Variants in ERC1 observed in about 807,000 individuals in gnomAD.
ERC1 encodes the protein ELKS/RAB6-interacting/CAST family member 1, also known as RAB6 interacting protein 2.
ERC1 carries 56 observed loss-of-function variants against 132.0 expected under a neutral mutation model. The observed-to-expected ratio is 0.42, with a 90% CI of 0.34 to 0.53. The LOEUF (loss-of-function observed/expected upper bound fraction) is 0.53, where lower values mean the gene tolerates loss of function less well. ERC1 is among the 20% of genes least tolerant of loss of function. The pLI, the probability that ERC1 is intolerant of heterozygous loss-of-function variation, is 0.03. For missense variants in ERC1, 1,202 were observed against 1,349.9 expected, an observed-to-expected ratio of 0.89 and a Z score of 1.72; for synonymous variants, 478 against 476.1, an observed-to-expected ratio of 1.00 and a Z score of -0.05.
chr12:1,490,143 G>T lies in ERC1; in HGVS notation c.3264G>T (p.Glu1088Asp). 6.2e-7 allele frequency: 1 copy of T among 1,614,226 alleles called. No individual in the cohort carries two copies. The highest frequency in any genetic ancestry group is 8.5e-7 in the Non-Finnish European group (1 of 1,180,044). Residue 1088 changes from glutamate (E) to aspartate (D), a missense_variant, in exon 19 of 19, where the codon GAG (glutamate) becomes GAT (aspartate). Transcript: ENST00000360905. Reference sequence around the variant, plus strand: ...AACGGGACAATGCAGAACTGCAGGAGTTTGCCAACGCCATTCTTCAGCAGA... The same window carrying T: ...AACGGGACAATGCAGAACTGCAGGATTTTGCCAACGCCATTCTTCAGCAGA... ...KGERDNAELQ[E>D]FANAILQQIA...
intron 18 of ERC1, among the ~76,000 whole-genome samples, chr12:1,456,930 G>A (rs978190403): frequency 2.6e-5 from 4 of 152,146 alleles, no homozygotes; most frequent in African/African-American, 4.8e-5. Flanking sequence ...GAGTGAGCTC[G>A]CAGGCATTGT....
chr12:1,129,617 C>G (rs972706043), intron 7 of ERC1, among the ~76,000 whole-genome samples: 1 of 152,174 alleles, frequency 6.6e-6, no homozygotes, highest in Non-Finnish European at 1.5e-5. Flanking sequence ...GTTGCCACAA[C>G]AGTAGTGAGA....
At chr12:1,384,572 A>G (rs559458184) in intron 16 of ERC1, among the ~76,000 whole-genome samples, 4 of 152,184 alleles carry the variant, frequency 2.6e-5, no homozygotes, top group Non-Finnish European at 5.9e-5. Flanking sequence ...TAATTTGCAT[A>G]CTTAACAGCT....
chr12:1,434,677 C>G (rs73028373), intron 17 of ERC1, among the ~76,000 whole-genome samples: 9,063 of 152,230 alleles, frequency 0.06, 393 homozygotes, highest in African/African-American at 0.11. Context: ...AAACAGAGCA[C>G]GTGGGTCCTT....
chr12:1,131,632 T>C (rs1948772225), intron 7 of ERC1, among the ~76,000 whole-genome samples: 3 of 17,416 alleles, frequency 1.7e-4, no homozygotes, highest in Non-Finnish European at 0.01. Context: ...CAGCTAATTT[T>C]TTTGTATTTT....
At chr12:1,297,712 C>CAA (rs535814870) in intron 15 of ERC1, among the ~76,000 whole-genome samples, 79 of 65,914 alleles carry the variant, frequency 1.2e-3, no homozygotes, top group South Asian at 1.9e-3. Flanking sequence ...GTCCCCCTGC[C>CAA]AAAAAAAAAA....
chr12:1,299,277 T>G (rs937340864), intron 15 of ERC1, among the ~76,000 whole-genome samples: 1 of 152,200 alleles, frequency 6.6e-6, no homozygotes, highest in Non-Finnish European at 1.5e-5. Context: ...TGCTGGGCCT[T>G]AAAAGTAAGT....
intron 3 of ERC1, among the ~76,000 whole-genome samples, chr12:1,083,995 C>T (rs1942605399): frequency 6.6e-6 from 1 of 152,128 alleles, no homozygotes; most frequent in Non-Finnish European, 1.5e-5. Context: ...CTTATGTGTG[C>T]TTATAAAAGT....
At chr12:1,033,592 T>C (rs761499920) in intron 2 of ERC1, among the ~76,000 whole-genome samples, 1 of 151,854 alleles carries the variant, frequency 6.6e-6, no homozygotes, top group Non-Finnish European at 1.5e-5. Flanking sequence ...CCCTCCCGAG[T>C]GGCCAGGATT....
intron 12 of ERC1, among the ~76,000 whole-genome samples, chr12:1,231,867 G>A (rs2075067296): frequency 6.6e-6 from 1 of 152,116 alleles, no homozygotes; most frequent in South Asian, 2.1e-4. Flanking sequence ...CGCCTCCCAA[G>A]TAGCTGGGAC....
chr12:1,251,267 G>A (rs150453059), intron 13 of ERC1, among the ~76,000 whole-genome samples: 1,526 of 152,138 alleles, frequency 0.01, 18 homozygotes, highest in Non-Finnish European at 0.017. Flanking sequence ...TTTGTCACAT[G>A]CTGGATACAT....
intron 15 of ERC1, among the ~76,000 whole-genome samples, chr12:1,319,926 C>A (rs1214040307): frequency 6.6e-6 from 1 of 151,958 alleles, no homozygotes; most frequent in East Asian, 1.9e-4. Flanking sequence ...GGGGCGGCTT[C>A]TTATTTTTAC....
intron 16 of ERC1, among the ~76,000 whole-genome samples, chr12:1,373,613 C>T (rs1469051771): frequency 1.3e-5 from 2 of 152,164 alleles, no homozygotes; most frequent in African/African-American, 4.8e-5. Context: ...AACCCCGTCT[C>T]CACTAAAAAT....
intron 1 of ERC1, among the ~76,000 whole-genome samples, chr12:1,014,378 G>T (rs1473048509): frequency 6.6e-6 from 1 of 152,014 alleles, no homozygotes; most frequent in Non-Finnish European, 1.5e-5. Flanking sequence ...GTTTCACCAT[G>T]TTGCCCAGGC....
chr12:1,382,002 A>G (rs1046308622), intron 16 of ERC1, among the ~76,000 whole-genome samples: 3 of 152,188 alleles, frequency 2.0e-5, no homozygotes, highest in Admixed American at 2.0e-4. Context: ...AAGCCAGGTT[A>G]TTCTTGTTGG....
intron 3 of ERC1, among the ~76,000 whole-genome samples, chr12:1,095,978 T>G (rs1327412465): frequency 1.3e-5 from 2 of 150,284 alleles, no homozygotes; most frequent in Non-Finnish European, 3.0e-5. Flanking sequence ...TCACCTAGAG[T>G]GCAGTGGCGT....
At chr12:1,295,838 C>G (rs906604494) in intron 15 of ERC1, among the ~76,000 whole-genome samples, 1 of 151,934 alleles carries the variant, frequency 6.6e-6, no homozygotes, top group Non-Finnish European at 1.5e-5. Flanking sequence ...CTTATATGTA[C>G]TAGAATAAAA....
At chr12:1,394,418 G>A (rs1292099940) in intron 16 of ERC1, among the ~76,000 whole-genome samples, 1 of 152,082 alleles carries the variant, frequency 6.6e-6, no homozygotes, top group Non-Finnish European at 1.5e-5. Flanking sequence ...AAAGAAAAAA[G>A]AAATTTAGTA....
intron 7 of ERC1, among the ~76,000 whole-genome samples, chr12:1,139,782 C>A (rs1593633559): frequency 2.0e-5 from 3 of 146,936 alleles, no homozygotes; most frequent in Admixed American, 6.8e-5. Context: ...AAAACAAAAA[C>A]CAGAATAGAG....
Sources: allele counts gnomAD v4.1 joint callset (sites outside exome capture counted in the v4.1 genomes callset), GRCh38; gene constraint gnomAD v4.1.1; transcripts MANE v1.5; gene names NCBI Gene and HGNC (gene_info 2026-07-23, HGNC 2026-07-21).